GBE1: variants seen among roughly 807,000 people sequenced by gnomAD.
GBE1 encodes 1,4-alpha-glucan-branching enzyme.
GBE1 carries 70 observed loss-of-function variants against 88.8 expected under a neutral mutation model. The ratio of observed to expected loss-of-function variants is 0.79; its 90% CI spans 0.65 to 0.96. GBE1 has a LOEUF of 0.96. Ranked by LOEUF, GBE1 falls within the 40% of genes least tolerant of loss-of-function variation. The pLI is 0.00. For missense variants in GBE1, 872 were observed against 871.0 expected, an observed-to-expected ratio of 1.00 and a Z score of -0.01; for synonymous variants, 284 against 300.1, an observed-to-expected ratio of 0.95 and a Z score of 0.56.
intron 1 of GBE1, among the ~76,000 whole-genome samples, 180 bp from the exon 2 acceptor site, chr3:81,705,793 T>TA (rs1214033025): frequency 5.3e-5 from 8 of 152,276 alleles, no homozygotes; most frequent in African/African-American, 1.9e-4. Flanking sequence ...CATTCTTATT[T>TA]AAAATAAACT....
intron 1 of GBE1, among the ~76,000 whole-genome samples, chr3:81,738,138 A>C (rs1332067120): frequency 3.3e-5 from 5 of 151,384 alleles, no homozygotes; most frequent in Non-Finnish European, 7.4e-5. Flanking sequence ...ACATTTTCTT[A>C]ATCCAGTCTA....
Position 81,743,778 on chromosome 3 carries a change from C to A in GBE1, c.143+17597G>T, listed in dbSNP as rs958355344. The A allele has an allele frequency of 1.1e-5, 6 of 528,506 alleles. No homozygotes were observed. The Admixed American group carries it at 1.5e-4, about 13-fold the overall frequency. 32.7% of individuals were successfully genotyped at this position (528,506 alleles called of 1,614,324 possible). On this transcript the variant is annotated intron_variant, in intron 1 of 15. Transcript: ENST00000429644. ...TTTGCTTTATAGGACGGACATGATG[C>A]ATTTAGCATTAAAAAAAGACATGAA...
intron 1 of GBE1, among the ~76,000 whole-genome samples, chr3:81,737,781 T>C (rs1051615459): frequency 1.3e-5 from 2 of 152,160 alleles, no homozygotes; most frequent in Non-Finnish European, 2.9e-5. Flanking sequence ...CTTTAAGTTT[T>C]AGGGTACATG....
intron 1 of GBE1, among the ~76,000 whole-genome samples, chr3:81,729,413 T>A (rs1706157218): frequency 6.6e-6 from 1 of 152,162 alleles, no homozygotes. Context: ...GTAAGCCCAC[T>A]CAGTGACAGC....
intron 5 of GBE1, among the ~76,000 whole-genome samples, chr3:81,648,318 T>C (rs1050296942): frequency 6.6e-6 from 1 of 152,112 alleles, no homozygotes; most frequent in African/African-American, 2.4e-5. Flanking sequence ...TATTCTTTAC[T>C]CTCCTGTTTG....
At chr3:81,624,265 C>A (rs1041022227) in intron 7 of GBE1, among the ~76,000 whole-genome samples, 1 of 152,092 alleles carries the variant, frequency 6.6e-6, no homozygotes, top group African/African-American at 2.4e-5. Context: ...GGGAAATGCC[C>A]CCATGATTCA....
chr3:81,525,451 T>A (rs1427697956), intron 14 of GBE1, among the ~76,000 whole-genome samples: 1 of 152,094 alleles, frequency 6.6e-6, no homozygotes. Context: ...TATTGAGGAT[T>A]TTTGCATCAA....
chr3:81,522,543 C>A (rs1035311358), intron 14 of GBE1, among the ~76,000 whole-genome samples: 11 of 149,346 alleles, frequency 7.4e-5, no homozygotes, highest in African/African-American at 2.5e-4. Context: ...CCCTTCCTGC[C>A]CCCCCCAAAT....
At chr3:81,581,417 T>C in intron 10 of GBE1, 142 bp from the exon 11 acceptor site, 1 of 569,952 alleles carries the variant, frequency 1.8e-6, no homozygotes, top group South Asian at 2.4e-5. Context: ...AAGTTATCAC[T>C]GTTTAAACTT....
intron 1 of GBE1, among the ~76,000 whole-genome samples, chr3:81,708,302 A>T (rs906478210): frequency 1.3e-5 from 2 of 152,080 alleles, no homozygotes; most frequent in African/African-American, 4.8e-5. Context: ...TGTCATAAAA[A>T]AGTAGATCTC....
chr3:81,702,100 AGAGTGTGTGTGTGTGTGTGTGTGTGTGT>A (rs1705699726), intron 2 of GBE1, among the ~76,000 whole-genome samples: 2 of 76,290 alleles, frequency 2.6e-5, no homozygotes, highest in East Asian at 4.7e-4. Context: ...AGAGAGAGAG[AGAGTGTGTGTGTGTGTGTGTGTGTGTGT>A]GTGTGTGTGT....
chr3:81,714,061 A>C (rs1705907737), intron 1 of GBE1, among the ~76,000 whole-genome samples: 1 of 152,160 alleles, frequency 6.6e-6, no homozygotes, highest in Non-Finnish European at 1.5e-5. Flanking sequence ...AGACAACCAG[A>C]AAAGAGAATG....
chr3:81,683,133 G>A (rs370581083), intron 2 of GBE1, among the ~76,000 whole-genome samples: 66 of 152,226 alleles, frequency 4.3e-4, no homozygotes, highest in Middle Eastern at 3.4e-3. Flanking sequence ...CTTTTGGGGC[G>A]TTGAAAATGT....
At chr3:81,508,203 T>C (rs1314570060) in intron 14 of GBE1, among the ~76,000 whole-genome samples, 1 of 152,238 alleles carries the variant, frequency 6.6e-6, no homozygotes, top group African/African-American at 2.4e-5. Context: ...ACATTTATTC[T>C]AAATACTTTA....
rs1369855845 is a variant in GBE1, at chr3:81,702,136, T to A, written c.313+3308A>T. On this transcript the variant is annotated intron_variant, in intron 2 of 15. Transcript: ENST00000429644. Reference sequence around the variant, plus strand: ...GTGTGTGTGTGTGTGTGTGTGTGTGTGTGTGTGTGTGTGTGTGTGTGTGTT... The same window carrying A: ...GTGTGTGTGTGTGTGTGTGTGTGTGAGTGTGTGTGTGTGTGTGTGTGTGTT... Among the ~76,000 whole-genome samples the A allele has an allele frequency of 1.1e-4, 16 of 149,042 alleles. 1 individual carries two copies. The East Asian group carries it at 3.1e-3, about 29-fold the overall frequency.
chr3:81,567,440 C>A (rs956474781), intron 12 of GBE1, among the ~76,000 whole-genome samples: 7 of 152,114 alleles, frequency 4.6e-5, no homozygotes, highest in African/African-American at 1.7e-4. Flanking sequence ...TTGAGAAATA[C>A]CAATTTTATT....
chr3:81,597,458 CTCAAATATATATATATA>C (rs1703972261), intron 7 of GBE1, among the ~76,000 whole-genome samples: 1 of 140,870 alleles, frequency 7.1e-6, no homozygotes, highest in Non-Finnish European at 1.5e-5. Context: ...ATATATATAT[CTCAAATATATATATATA>C]TCTCAAAATA....
At chr3:81,577,769 T>C (rs924398236) in intron 12 of GBE1, among the ~76,000 whole-genome samples, 156 bp downstream of exon 12, 2 of 152,180 alleles carry the variant, frequency 1.3e-5, no homozygotes, top group African/African-American at 2.4e-5. Context: ...AGTGATTTAA[T>C]TTTATTCTTG....
Position 81,537,037 on chromosome 3 carries a change from A to ACT in GBE1, c.1675_1676dup (p.Ser559ArgfsTer12), listed in dbSNP as rs1412857849. 1.3e-6 allele frequency: 2 copies of ACT among 1,578,894 alleles called. No homozygotes were observed. Among genetic ancestry groups the ACT allele is most frequent in the Admixed American group, 1.8e-5 (1 of 54,286 alleles). On this transcript the variant is annotated frameshift_variant, in exon 13 of 16. Transcript: ENST00000429644. LOFTEE classifies it high-confidence loss of function. ...GAAACTGCCGCCTGGCATAATGGTA[A>ACT]CTCTCATTATTTCCTTTTCTTGGGA...
Sources: allele counts gnomAD v4.1 joint callset (sites outside exome capture counted in the v4.1 genomes callset), GRCh38; gene constraint gnomAD v4.1.1; transcripts MANE v1.5; gene names NCBI Gene and HGNC (gene_info 2026-07-23, HGNC 2026-07-21).